RYR1: variants seen among roughly 807,000 people sequenced by gnomAD.
RYR1 encodes the protein ryanodine receptor 1.
RYR1 carries 342 observed loss-of-function variants against 583.5 expected under a neutral mutation model. The observed-to-expected ratio is 0.59, with a 90% confidence interval of 0.54 to 0.64. The LOEUF is 0.64. Ranked by LOEUF, RYR1 falls within the 30% of genes least tolerant of loss-of-function variation. The pLI is 0.00. For missense variants in RYR1, 6,032 were observed against 6,917.2 expected (o/e 0.87, Z 4.54); for synonymous variants, 2,791 against 2,822.5 (o/e 0.99, Z 0.35).
At position 38,565,571 on chromosome 19, in the gene RYR1, G is replaced by A. The variant is rs898728509; in HGVS notation, c.13237G>A (p.Gly4413Arg). 2.0e-6 allele frequency: 3 copies of A among 1,475,996 alleles called. No homozygotes were observed. The African/African-American group carries it at 4.4e-5, about 22-fold the overall frequency. The allele number at this position is 1,475,996 out of a possible 1,614,324, so 91.4% of individuals were successfully genotyped here. The change falls in exon 91 of 106, where the codon GGA (glycine) becomes AGA (arginine). Residue 4413 changes from glycine (G) to arginine (R), a missense_variant. This residue lies in a region of RYR1 where 753 missense variants were observed against 759.6 expected (regional missense o/e 0.99). Transcript: ENST00000359596. The surrounding 1 kb of genome is among the most constrained non-coding windows in gnomAD (Gnocchi z 4.7). ...CGGCGAGGGTGCCAGCGAGGGCGCTGGAGACGCCGCGGAGGGCGCTGGAGA... is the reference window on the plus strand; with the variant it reads ...CGGCGAGGGTGCCAGCGAGGGCGCTAGAGACGCCGCGGAGGGCGCTGGAGA... ...ADGEGASEGA[G>R]DAAEGAGDEE...
Position 38,528,663 on chromosome 19 carries a change from A to T in RYR1, c.11002A>T (p.Ser3668Cys). The stretch of plus-strand genomic sequence containing the variant: ...TGCATGGATCCTGACTGAAGACCAC[A>T]GTTTTGAGGACCGCATGATAGATGA... ...KAAWILTEDH[S>C]FEDRMIDDLS... The change falls in exon 75 of 106, where the codon AGT (serine) becomes TGT (cysteine). Residue 3668 changes from serine to cysteine, a missense_variant. Transcript: ENST00000359596. 6.2e-7 allele frequency: 1 copy of T among 1,614,156 alleles called. No homozygotes were observed. The highest frequency in any genetic ancestry group is 8.5e-7 in the Non-Finnish European group (1 of 1,180,010).
At chr19:38,447,855 AAAACAAG>A (rs1306244635) in intron 9 of RYR1, among the ~76,000 whole-genome samples, 3 of 151,486 alleles carry the variant, frequency 2.0e-5, no homozygotes, top group Admixed American at 1.3e-4. Context: ...AAAAAAAAAA[AAAACAAG>A]CAAAACAAAA....
chr19:38,523,653 C>T, intron 69 of RYR1: 1 of 612,812 alleles, frequency 1.6e-6, no homozygotes. Flanking sequence ...CTCCTCCTCC[C>T]CATTTTCCCC....
chr19:38,458,375 C>T (rs1174007490), intron 18 of RYR1, 83 bp downstream of exon 18: 1 of 1,418,340 alleles, frequency 7.1e-7, no homozygotes, highest in African/African-American at 1.4e-5. Flanking sequence ...CCTTGGGGTT[C>T]TCAGGATCCT....
At chr19:38,454,382 C>A (rs1442898663) in intron 13 of RYR1, among the ~76,000 whole-genome samples, 2 of 152,204 alleles carry the variant, frequency 1.3e-5, no homozygotes, top group African/African-American at 4.8e-5. Flanking sequence ...TAATGTCTCC[C>A]AAGTGTAGTG....
chr19:38,551,023 G>A (rs914345196), intron 89 of RYR1, among the ~76,000 whole-genome samples: 4 of 108,312 alleles, frequency 3.7e-5, no homozygotes, highest in Admixed American at 1.1e-4. Context: ...GTGGATTCAC[G>A]GCTTTTTTTT....
chr19:38,454,240 A>G (rs1254738462), intron 13 of RYR1, among the ~76,000 whole-genome samples: 1 of 152,056 alleles, frequency 6.6e-6, no homozygotes, highest in Non-Finnish European at 1.5e-5. Context: ...GGGTTTCGCC[A>G]TGTTGGCCAG....
At chr19:38,504,392 A>G in intron 50 of RYR1, 32 bp downstream of exon 50, 3 of 1,609,600 alleles carry the variant, frequency 1.9e-6, no homozygotes, top group Non-Finnish European at 2.5e-6. Context: ...AAAATGGCCT[A>G]TGTGGAGGGT....
intron 89 of RYR1, among the ~76,000 whole-genome samples, chr19:38,557,328 C>G (rs1972923776): frequency 1.3e-5 from 2 of 152,004 alleles, no homozygotes; most frequent in Admixed American, 1.3e-4. Flanking sequence ...ACAGAGAGCC[C>G]ACTGTGGGGG....
rs771375638 is a variant in RYR1, at chr19:38,565,858, G to A, written c.13437+87G>A. 2 of 1,323,924 alleles carry A rather than the reference G, an allele frequency of 1.5e-6. No individual in the cohort carries two copies. Among genetic ancestry groups the A allele is most frequent in the African/African-American group, 1.6e-5 (1 of 63,692 alleles). The allele number at this position is 1,323,924 out of a possible 1,614,324, so 82.0% of individuals were successfully genotyped here. The stretch of plus-strand genomic sequence containing the variant: ...GCCCGGCTGGGTGGAGACACACACA[G>A]AGGAGAGAACTGGCTAGGGGGATGG... On this transcript the variant is annotated intron_variant, in intron 91 of 105. Transcript: ENST00000359596. This position sits in a 1 kb window ranked among gnomAD's most constrained non-coding sequence, Gnocchi z 4.7.
At chr19:38,529,245 G>C (rs1971624817) in intron 76 of RYR1, among the ~76,000 whole-genome samples, 188 bp downstream of exon 76, 1 of 152,224 alleles carries the variant, frequency 6.6e-6, no homozygotes, top group African/African-American at 2.4e-5. Flanking sequence ...AATCTGGGAG[G>C]CTGAGGCAGG....
chr19:38,578,041 C>G lies in RYR1; in HGVS notation c.14296C>G (p.Leu4766Val), dbSNP rs1404072819. Residue 4766 changes from leucine to valine, a missense_variant, in exon 98 of 106, where the codon CTG (leucine) becomes GTG (valine). Physicochemically the swap from Leu to Val is conservative, Grantham distance 32 (BLOSUM62 1). Transcript: ENST00000359596. ...ERKPNPPPGLLTWLMSIDVKY... is the reference protein window; with the variant it reads ...ERKPNPPPGLVTWLMSIDVKY... The stretch of plus-strand genomic sequence containing the variant: ...CAAGCCCAACCCGCCGCCAGGGCTG[C>G]TGACCTGGTGAGCCCAGGACACCCC... 1 of 1,614,026 alleles carries G rather than the reference C, an allele frequency of 6.2e-7. No homozygotes were observed.
At chr19:38,587,027 G>C (rs182837510) in intron 105 of RYR1, among the ~76,000 whole-genome samples, 1 of 152,204 alleles carries the variant, frequency 6.6e-6, no homozygotes, top group Non-Finnish European at 1.5e-5. Flanking sequence ...CTAGCACTTC[G>C]GGAGGCCACA....
intron 39 of RYR1, 138 bp downstream of exon 39, chr19:38,494,763 T>C: frequency 9.5e-7 from 1 of 1,057,748 alleles, no homozygotes; most frequent in Non-Finnish European, 1.4e-6. Context: ...GCTCACCTCC[T>C]GGGTAATGTC....
chr19:38,467,570 C>A (rs761302345), intron 24 of RYR1, 40 bp from the exon 25 acceptor site: 2 of 1,608,236 alleles, frequency 1.2e-6, no homozygotes, highest in African/African-American at 2.7e-5. Flanking sequence ...GGATCCACAT[C>A]TTCCCTAGCC....
intron 102 of RYR1, 119 bp downstream of exon 102, chr19:38,585,218 A>G (rs1454204580): frequency 7.8e-7 from 1 of 1,288,748 alleles, no homozygotes; most frequent in Non-Finnish European, 1.1e-6. Flanking sequence ...CGCTACTGTG[A>G]GACCTTGGGC....
intron 20 of RYR1, among the ~76,000 whole-genome samples, chr19:38,462,097 A>G (rs1414800752): frequency 2.0e-5 from 3 of 152,140 alleles, no homozygotes; most frequent in South Asian, 2.1e-4. Context: ...CTTCCCTCCA[A>G]GCATGTCCCT....
chr19:38,460,622 G>A (rs74617198), intron 20 of RYR1, 31 bp downstream of exon 20: 31 of 1,587,442 alleles, frequency 2.0e-5, no homozygotes, highest in African/African-American at 4.0e-5. Flanking sequence ...GTTTTCTGGC[G>A]AGGCAGGGTC....
At chr19:38,553,720 A>G (rs1442793908) in intron 89 of RYR1, among the ~76,000 whole-genome samples, 1 of 152,170 alleles carries the variant, frequency 6.6e-6, no homozygotes, top group East Asian at 1.9e-4. Context: ...CTCTTTTCCA[A>G]TCCACTCTTC....
Sources: allele counts gnomAD v4.1 joint callset (sites outside exome capture counted in the v4.1 genomes callset), GRCh38; gene constraint gnomAD v4.1.1; regional missense constraint gnomAD v4.1.1; non-coding constraint Gnocchi (gnomAD v3.1); transcripts MANE v1.5; gene names NCBI Gene and HGNC (gene_info 2026-07-23, HGNC 2026-07-21).